TCF12: variants seen among roughly 807,000 people sequenced by gnomAD.
The protein encoded by TCF12 is transcription factor 12, also known as DNA-binding protein HTF4.
TCF12 carries 45 observed loss-of-function variants against 86.0 expected under a neutral mutation model. The observed-to-expected ratio is 0.52, with a 90% CI of 0.41 to 0.67. TCF12 has a LOEUF of 0.67. TCF12 is among the 30% of genes least tolerant of loss of function. The pLI is 0.00. For missense variants in TCF12, 881 were observed against 859.9 expected (o/e 1.02, Z -0.31); for synonymous variants, 330 against 299.6 (o/e 1.10, Z -1.05).
At chr15:57,119,355 T>G (rs569545763) in intron 5 of TCF12, among the ~76,000 whole-genome samples, 286 of 151,418 alleles carry the variant, frequency 1.9e-3, no homozygotes, top group Non-Finnish European at 3.4e-3. Flanking sequence ...GGTCTCACAT[T>G]GTGCCCAGGC....
chr15:57,228,070 A>G (rs1028775094), intron 8 of TCF12, among the ~76,000 whole-genome samples: 1 of 152,114 alleles, frequency 6.6e-6, no homozygotes, highest in Middle Eastern at 3.4e-3. Context: ...GTCTGATTTT[A>G]ATTTGTGGCC....
intron 5 of TCF12, among the ~76,000 whole-genome samples, chr15:57,160,698 T>G (rs1218692022): frequency 1.3e-5 from 2 of 152,048 alleles, no homozygotes; most frequent in Non-Finnish European, 2.9e-5. Flanking sequence ...TTGTGTTTTG[T>G]TTTTTGTTTT....
chr15:57,054,422 T>C (rs529990586), intron 3 of TCF12, among the ~76,000 whole-genome samples: 114 of 152,328 alleles, frequency 7.5e-4, no homozygotes, highest in African/African-American at 2.7e-3. Context: ...TATAGTGTTG[T>C]ATGTTTTTTG....
At chr15:57,044,581 T>A (rs2141487262) in intron 3 of TCF12, among the ~76,000 whole-genome samples, 1 of 152,336 alleles carries the variant, frequency 6.6e-6, no homozygotes. Flanking sequence ...TACCATTTTT[T>A]TTCTTTTCTA....
intron 3 of TCF12, among the ~76,000 whole-genome samples, chr15:56,962,588 A>G (rs563491972): frequency 6.6e-6 from 1 of 152,170 alleles, no homozygotes; most frequent in Non-Finnish European, 1.5e-5. Flanking sequence ...CAAATCAACA[A>G]AAAGCGAACC....
chr15:57,263,030 C>G, intron 17 of TCF12, 82 bp from the exon 18 acceptor site: 1 of 1,435,934 alleles, frequency 7.0e-7, no homozygotes, highest in Non-Finnish European at 9.3e-7. Flanking sequence ...TATTCACCAG[C>G]TAGAAAGCTT....
intron 3 of TCF12, among the ~76,000 whole-genome samples, chr15:56,999,037 A>T (rs532076447): frequency 3.8e-4 from 58 of 152,164 alleles, no homozygotes; most frequent in Non-Finnish European, 6.2e-4. Flanking sequence ...TCTCTACTAA[A>T]TATACAAAAA....
intron 3 of TCF12, among the ~76,000 whole-genome samples, chr15:56,945,431 G>A (rs1014052754): frequency 6.6e-6 from 1 of 151,958 alleles, no homozygotes; most frequent in Non-Finnish European, 1.5e-5. Context: ...TTATAGTGCA[G>A]GACTGCAGGT....
rs368662307 is a variant in TCF12 at position 57,273,050 on chromosome 15, A to T, written c.1766A>T (p.Asp589Val). The T allele has an allele frequency of 2.5e-6, 4 of 1,614,056 alleles. No individual in the cohort carries two copies. In the African/African-American group the frequency reaches 5.3e-5, roughly 22 times the overall value. ...GRTSSTNEDEDLNPEQKIERE... is the reference protein window; with the variant it reads ...GRTSSTNEDEVLNPEQKIERE... ...TCTAGCAGTACTAATGAAGATGAGGATTTGAACCCTGAACAGAAGATAGAA... is the reference window on the plus strand; with the variant it reads ...TCTAGCAGTACTAATGAAGATGAGGTTTTGAACCCTGAACAGAAGATAGAA... The change falls in exon 19 of 21, where the codon GAT becomes GTT. Residue 589 changes from aspartate to valine, a missense_variant. By Grantham distance (152) the Asp-to-Val change is radical. This residue lies in a region of TCF12 where 766 missense variants were observed against 718.9 expected (regional missense o/e 1.07). Coordinates refer to ENST00000333725, the MANE Select transcript of TCF12 (RefSeq NM_207037.2).
chr15:57,114,508 T>C (rs1237909911), intron 5 of TCF12, among the ~76,000 whole-genome samples: 1 of 152,138 alleles, frequency 6.6e-6, no homozygotes, highest in Non-Finnish European at 1.5e-5. Flanking sequence ...TTGTTGCCCA[T>C]GCTGGTCTTG....
intron 4 of TCF12, among the ~76,000 whole-genome samples, chr15:57,084,189 A>T (rs1400936348): frequency 6.6e-6 from 1 of 152,246 alleles, no homozygotes; most frequent in Non-Finnish European, 1.5e-5. Flanking sequence ...ATGCTCAGTG[A>T]TAATACTGTT....
chr15:57,139,079 C>A (rs2052765523), intron 5 of TCF12, among the ~76,000 whole-genome samples: 1 of 152,122 alleles, frequency 6.6e-6, no homozygotes, highest in South Asian at 2.1e-4. Flanking sequence ...TAGACTGTCC[C>A]AAACACATTA....
intron 3 of TCF12, among the ~76,000 whole-genome samples, chr15:56,930,778 C>T (rs1434431654): frequency 5.9e-5 from 9 of 151,922 alleles, no homozygotes; most frequent in African/African-American, 2.2e-4. Flanking sequence ...TCCACAGTCC[C>T]TTATCTGCAG....
At chr15:57,166,542 A>C (rs2054907171) in intron 6 of TCF12, 76 bp downstream of exon 6, 2 of 1,270,056 alleles carry the variant, frequency 1.6e-6, no homozygotes, top group East Asian at 2.4e-5. Context: ...TAGATGAGAT[A>C]GAAATTATCC....
chr15:57,103,892 C>T (rs2151187162), intron 5 of TCF12, among the ~76,000 whole-genome samples: 1 of 152,208 alleles, frequency 6.6e-6, no homozygotes, highest in Middle Eastern at 3.4e-3. Flanking sequence ...CCTGTAATCC[C>T]AGCTACTCAG....
rs71113049 is a variant in TCF12, at chr15:56,998,457, CAA to C, written c.149-65274_149-65273del. On this transcript the variant is annotated intron_variant, in intron 3 of 20. Transcript: ENST00000333725. ...TGGTGACAGGGGTGAAACTCTGTCT[CAA>C]AAAAAAAAAAAAAAAAAATGCTTGA... Among the ~76,000 whole-genome samples, 194 of 110,618 alleles carry C rather than the reference CAA, an allele frequency of 1.8e-3. 1 individual carries two copies. Among genetic ancestry groups the C allele is most frequent in the South Asian group, 3.4e-3 (11 of 3,280 alleles). The allele number at this position is 110,618 out of a possible 152,430, so 72.6% of individuals were successfully genotyped here.
At chr15:56,987,262 C>T (rs913920432) in intron 3 of TCF12, among the ~76,000 whole-genome samples, 5 of 151,954 alleles carry the variant, frequency 3.3e-5, no homozygotes, top group South Asian at 2.1e-4. Context: ...TACAGGTGCC[C>T]GCCACCACGC....
intron 3 of TCF12, among the ~76,000 whole-genome samples, chr15:57,047,491 A>G (rs1355021731): frequency 6.6e-6 from 1 of 152,200 alleles, no homozygotes; most frequent in Non-Finnish European, 1.5e-5. Flanking sequence ...AGGATTCTTA[A>G]TATAAGAAAT....
intron 3 of TCF12, among the ~76,000 whole-genome samples, chr15:57,054,649 G>A (rs1034581967): frequency 2.0e-5 from 3 of 151,886 alleles, no homozygotes; most frequent in African/African-American, 7.3e-5. Flanking sequence ...GTTGGATTTA[G>A]GTCTACTAAT....
Sources: gnomAD v4.1 joint callset for allele counts (sites outside exome capture counted in the v4.1 genomes callset) on GRCh38, gnomAD v4.1.1 for gene constraint, gnomAD v4.1.1 regional missense constraint, MANE v1.5 for transcripts, NCBI Gene and HGNC (gene_info 2026-07-23, HGNC 2026-07-21) for gene names.